SYNE2: variants seen among roughly 807,000 people sequenced by gnomAD.
The protein encoded by SYNE2 is nesprin-2.
SYNE2 carries 431 observed loss-of-function variants against 856.3 expected under a neutral mutation model. The ratio of observed to expected loss-of-function variants is 0.50; its 90% CI spans 0.47 to 0.55. The LOEUF (loss-of-function observed/expected upper bound fraction) is 0.55, where lower values mean the gene tolerates loss of function less well. Among genes scored for constraint, SYNE2 ranks in the 20% least tolerant of loss-of-function variants. The probability of loss-of-function intolerance (pLI) is 0.00; values close to 1 mark genes in which losing one functional copy is unlikely to be tolerated. For missense variants in SYNE2, 8,129 were observed against 8,023.2 expected (o/e 1.01, Z -0.50); for synonymous variants, 2,923 against 2,872.3 (o/e 1.02, Z -0.56).
At chr14:64,188,976 C>CT (rs1174304446) in intron 98 of SYNE2, 2 of 702,396 alleles carry the variant, frequency 2.8e-6, no homozygotes, top group East Asian at 5.4e-5. Flanking sequence ...AGGGAAGGGG[C>CT]TTACATATCC....
intron 65 of SYNE2, chr14:64,113,117 G>C: frequency 2.0e-6 from 2 of 985,330 alleles, no homozygotes; most frequent in Non-Finnish European, 2.4e-6. Flanking sequence ...TCTGTGCCCG[G>C]GAATACTGTA....
At position 64,209,925 on chromosome 14, in the gene SYNE2, C is replaced by G; in HGVS notation, c.18541-17C>G. 1 of 1,614,020 alleles carries G rather than the reference C, an allele frequency of 6.2e-7. No individual in the cohort carries two copies. On this transcript the variant is annotated splice_polypyrimidine_tract_variant and intron_variant, in intron 102 of 115. Transcript: ENST00000555002. The stretch of plus-strand genomic sequence containing the variant: ...CACTCTGCATGCTTTGGCTCTGACC[C>G]CTCCCATGTGATGCAGGCCTTTCAG...
chr14:64,100,531 A>AATATATATATAT (rs1204839640), intron 63 of SYNE2, among the ~76,000 whole-genome samples: 25 of 39,438 alleles, frequency 6.3e-4, no homozygotes, highest in South Asian at 2.2e-3. Context: ...AAAAAAAAAA[A>AATATATATATAT]ATATATATAT....
intron 1 of SYNE2, among the ~76,000 whole-genome samples, chr14:63,898,669 T>A (rs1389892067): frequency 1.3e-5 from 2 of 152,072 alleles, no homozygotes; most frequent in Non-Finnish European, 2.9e-5. Context: ...CCTCCCAGAG[T>A]GCTGAGATTA....
chr14:64,128,139 G>A (rs1284232788), intron 73 of SYNE2, among the ~76,000 whole-genome samples: 1 of 152,110 alleles, frequency 6.6e-6, no homozygotes, highest in Admixed American at 6.5e-5. Flanking sequence ...GTAAAGAGAA[G>A]GATCTTTATC....
chr14:64,140,069 T>C lies in SYNE2; in HGVS notation c.14972T>C (p.Phe4991Ser), dbSNP rs943666082. Residue 4991 changes from phenylalanine (F) to serine (S), a missense_variant, in exon 80 of 116, where the codon TTT becomes TCT. Phe to Ser is a radical substitution (Grantham distance 155). Transcript: ENST00000555002. ...ACAATCAGAAGCAACATCAACAATT[T>C]TTTTGTAAGTTGTAATAGCATATGT... is the stretch of plus-strand genomic sequence containing the variant. ...LDTIRSNINNFFEFSKEVDEK... is the reference protein window; with the variant it reads ...LDTIRSNINNSFEFSKEVDEK... The C allele has an allele frequency of 6.2e-7, 1 of 1,613,458 alleles. No homozygotes were observed. Among genetic ancestry groups the C allele is most frequent in the Non-Finnish European group, 8.5e-7 (1 of 1,179,910 alleles).
At chr14:64,027,149 C>T (rs201264605) in intron 42 of SYNE2, among the ~76,000 whole-genome samples, 2 of 151,944 alleles carry the variant, frequency 1.3e-5, no homozygotes, top group East Asian at 3.9e-4. Context: ...GGTTAATATA[C>T]GGAATGTTTG....
intron 23 of SYNE2, among the ~76,000 whole-genome samples, chr14:63,996,550 A>G (rs1172800126): frequency 6.6e-6 from 1 of 150,752 alleles, no homozygotes; most frequent in East Asian, 2.0e-4. Flanking sequence ...GGTGCTTTTC[A>G]TTATCTTCGT....
chr14:63,944,219 T>C (rs2095976863), intron 6 of SYNE2, among the ~76,000 whole-genome samples: 3 of 150,080 alleles, frequency 2.0e-5, no homozygotes, highest in Non-Finnish European at 4.4e-5. Flanking sequence ...TTTAACAAAA[T>C]GGGGGTCATG....
intron 1 of SYNE2, among the ~76,000 whole-genome samples, chr14:63,864,021 C>T (rs1162747627): frequency 3.3e-5 from 5 of 152,098 alleles, no homozygotes; most frequent in Non-Finnish European, 5.9e-5. Flanking sequence ...CGGGGTTAGC[C>T]AGGCTGGTCT....
intron 17 of SYNE2, among the ~76,000 whole-genome samples, chr14:63,983,106 T>G (rs1039829316): frequency 6.6e-6 from 1 of 152,224 alleles, no homozygotes; most frequent in Non-Finnish European, 1.5e-5. Context: ...CTTTTGTTAC[T>G]TGGCATAATA....
chr14:63,863,346 A>G (rs1595263456), intron 1 of SYNE2, among the ~76,000 whole-genome samples: 1 of 152,294 alleles, frequency 6.6e-6, no homozygotes, highest in South Asian at 2.1e-4. Flanking sequence ...TTACAGACAT[A>G]CCACCTGTTT....
Position 64,078,533 on chromosome 14 carries a change from A to G in SYNE2, c.11090A>G (p.Asn3697Ser), listed in dbSNP as rs771556616. ...AGGAGAAAAATAGAAGAAATTAACAATGGGCTTCATAATGTTGAAAAGATG... is the reference window on the plus strand; with the variant it reads ...AGGAGAAAAATAGAAGAAATTAACAGTGGGCTTCATAATGTTGAAAAGATG... ...AMRRKIEEIN[N>S]GLHNVEKMLQ... Residue 3697 changes from asparagine (N) to serine (S), a missense_variant, in exon 55 of 116, where the codon AAT (asparagine) becomes AGT (serine). Around this residue, in one of 3 missense-constraint regions of SYNE2, gnomAD observed 5,410 missense variants for 5,284.8 expected, o/e 1.02. Coordinates refer to ENST00000555002, the MANE Select transcript of SYNE2 (RefSeq NM_182914.3). 11 of 1,614,126 alleles carry G rather than the reference A, an allele frequency of 6.8e-6. No homozygotes were observed. The highest frequency in any genetic ancestry group is 3.3e-5 in the Admixed American group (2 of 60,032).
intron 1 of SYNE2, among the ~76,000 whole-genome samples, chr14:63,807,605 A>G (rs1241832601): frequency 1.3e-5 from 2 of 150,816 alleles, no homozygotes; most frequent in South Asian, 2.1e-4. Flanking sequence ...TCTCTGCGCA[A>G]TGACAAAGTT....
At chr14:64,204,250 A>G (rs2140024757) in intron 100 of SYNE2, 1 of 152,366 alleles carries the variant, frequency 6.6e-6, no homozygotes, top group Non-Finnish European at 1.5e-5. Context: ...TGGACATTAC[A>G]GAGATTTTAA....
At chr14:63,944,680 C>A (rs1478973805) in intron 6 of SYNE2, among the ~76,000 whole-genome samples, 2 of 151,468 alleles carry the variant, frequency 1.3e-5, no homozygotes, top group African/African-American at 2.4e-5. Context: ...ACCACCACAT[C>A]TGCCTAATTT....
At chr14:64,093,286 AAAT>A in intron 60 of SYNE2, 60 bp from the exon 61 acceptor site, 1 of 1,592,714 alleles carries the variant, frequency 6.3e-7, no homozygotes, top group South Asian at 1.1e-5. Context: ...TAGACAATGA[AAAT>A]AGTCCATTAA....
chr14:63,853,178 G>C (rs1275394479), intron 1 of SYNE2, 35 bp downstream of exon 1: 5 of 151,518 alleles, frequency 3.3e-5, no homozygotes, highest in African/African-American at 9.7e-5. Flanking sequence ...CCAGCACCCC[G>C]GTGCGCCCCG....
chr14:63,800,728 A>G (rs780904905), intron 1 of SYNE2, among the ~76,000 whole-genome samples: 6 of 152,216 alleles, frequency 3.9e-5, no homozygotes, highest in African/African-American at 4.8e-5. Flanking sequence ...ACCAAATACC[A>G]CATTTTCTCA....
Sources: gnomAD v4.1 joint callset for allele counts (sites outside exome capture counted in the v4.1 genomes callset) on GRCh38, gnomAD v4.1.1 for gene constraint, gnomAD v4.1.1 regional missense constraint, MANE v1.5 for transcripts, NCBI Gene and HGNC (gene_info 2026-07-23, HGNC 2026-07-21) for gene names.